PCSK1: variants seen among roughly 807,000 people sequenced by gnomAD.
PCSK1 encodes the protein neuroendocrine convertase 1.
PCSK1 carries 56 observed loss-of-function variants against 90.6 expected under a neutral mutation model. That is an observed-to-expected ratio of 0.62 (90% confidence interval 0.50 to 0.77). PCSK1 has a LOEUF of 0.77. PCSK1 is among the 30% of genes least tolerant of loss of function. PCSK1 has a pLI of 0.00. For missense variants in PCSK1, 801 were observed against 932.6 expected, an observed-to-expected ratio of 0.86 and a Z score of 1.84; for synonymous variants, 348 against 342.4, an observed-to-expected ratio of 1.02 and a Z score of -0.18.
intron 12 of PCSK1, 32 bp downstream of exon 12, chr5:96,397,303 CT>C (rs766961561): frequency 1.9e-5 from 31 of 1,599,268 alleles, no homozygotes; most frequent in Non-Finnish European, 2.5e-5. Context: ...TAAAAGTAAG[CT>C]TGTGTTTTTT....
intron 9 of PCSK1, among the ~76,000 whole-genome samples, chr5:96,400,836 C>G (rs1181145162): frequency 7.0e-6 from 1 of 143,736 alleles, no homozygotes. Flanking sequence ...GCCTGTAATC[C>G]CAGCACTTTG....
At chr5:96,394,835 G>A in intron 13 of PCSK1, 29 bp downstream of exon 13, 1 of 1,610,450 alleles carries the variant, frequency 6.2e-7, no homozygotes, top group African/African-American at 1.3e-5. Context: ...GTTCAAAAGA[G>A]AGCATGCCAA....
intron 12 of PCSK1, among the ~76,000 whole-genome samples, chr5:96,396,349 T>G (rs1323306269): frequency 6.6e-6 from 1 of 152,068 alleles, no homozygotes; most frequent in Non-Finnish European, 1.5e-5. Context: ...TCACCTGAGG[T>G]AAGGAGCTCG....
At chr5:96,413,573 G>A (rs1167959748) in intron 6 of PCSK1, among the ~76,000 whole-genome samples, 2 of 152,090 alleles carry the variant, frequency 1.3e-5, no homozygotes, top group East Asian at 1.9e-4. Flanking sequence ...GCCGAGGTGG[G>A]TGGATCACTT....
rs777345288 is a variant in PCSK1 at position 96,408,231 on chromosome 5, C to G, written c.1188G>C (p.Leu396=). 30 of 1,612,770 alleles carry G rather than the reference C, an allele frequency of 1.9e-5. No individual in the cohort carries two copies. The South Asian group carries it at 2.9e-4, about 15-fold the overall frequency. ...AGCTTTCTGGGCCTTACTTTGCTTCCAGGGCCAGAGCGAAGATGCCAGCAG... is the reference window on the plus strand; with the variant it reads ...AGCTTTCTGGGCCTTACTTTGCTTCGAGGGCCAGAGCGAAGATGCCAGCAG... ...PLAAGIFALA[L]EANPNLTWRD... The change falls in exon 9 of 14, where the codon CTG becomes CTC. Residue 396 remains leucine, a synonymous_variant. Coordinates refer to ENST00000311106, the MANE Select transcript of PCSK1 (RefSeq NM_000439.5).
intron 8 of PCSK1, among the ~76,000 whole-genome samples, chr5:96,408,859 T>C (rs1760659641): frequency 6.6e-6 from 1 of 152,228 alleles, no homozygotes; most frequent in Admixed American, 6.5e-5. Flanking sequence ...CTAGATTTGA[T>C]ACCTGTGAGT....
At chr5:96,414,137 T>TAAAAA (rs564573961) in intron 6 of PCSK1, among the ~76,000 whole-genome samples, 7 of 124,748 alleles carry the variant, frequency 5.6e-5, no homozygotes, top group African/African-American at 2.1e-4. Flanking sequence ...AGACTCTGTC[T>TAAAAA]AAAAAAAAAA....
intron 6 of PCSK1, 98 bp from the exon 7 acceptor site, chr5:96,412,588 T>G (rs1410638591): frequency 8.4e-7 from 1 of 1,189,460 alleles, no homozygotes; most frequent in African/African-American, 1.5e-5. Flanking sequence ...TAAAGGATTT[T>G]AAGAGTCAAA....
rs193214131 is a variant in PCSK1, at chr5:96,412,331, T to C, written c.869A>G (p.Tyr290Cys). The C allele has an allele frequency of 2.3e-5, 37 of 1,614,168 alleles. No homozygotes were observed. In the African/African-American group the frequency reaches 4.8e-4, roughly 21 times the overall value. Reference sequence around the variant, plus strand: ...AAAGCATCTTACCTGTTTGACACCATATTCAAAAGCCTTCTGGGCTAGCCG... The same window carrying C: ...AAAGCATCTTACCTGTTTGACACCACATTCAAAAGCCTTCTGGGCTAGCCG... ...PGRLAQKAFE[Y>C]GVKQGRQGKG... Residue 290 changes from tyrosine (Y) to cysteine (C), a missense_variant, in exon 7 of 14, where the codon TAT becomes TGT. By Grantham distance (194) the Tyr-to-Cys change is radical. Transcript: ENST00000311106.
chr5:96,432,468 G>T (rs574848966), intron 1 of PCSK1, among the ~76,000 whole-genome samples: 1 of 152,192 alleles, frequency 6.6e-6, no homozygotes, highest in Non-Finnish European at 1.5e-5. Flanking sequence ...GACGCAGACC[G>T]CCTCAGTCCC....
rs987182706 is a variant in PCSK1, at chr5:96,423,382, G to A, written c.474C>T (p.Gly158=). ...CCAGTACGGTGATAACAACTCCTTT[G>A]CCCGTAATGCCTTTTTGCCAAACAG... ...VIPVWQKGIT[G]KGVVITVLDD... Residue 158 remains glycine (G), a synonymous_variant, in exon 4 of 14, where the codon GGC becomes GGT. Coordinates refer to ENST00000311106, the MANE Select transcript of PCSK1 (RefSeq NM_000439.5). 3 of 1,613,936 alleles carry A rather than the reference G, an allele frequency of 1.9e-6. No individual in the cohort carries two copies. In the African/African-American group the frequency reaches 4.0e-5, roughly 22 times the overall value.
intron 5 of PCSK1, among the ~76,000 whole-genome samples, chr5:96,420,588 A>G (rs1401739988): frequency 2.0e-5 from 3 of 152,112 alleles, no homozygotes; most frequent in Non-Finnish European, 4.4e-5. Context: ...GAAGAAATAA[A>G]CACCCAGAAG....
chr5:96,415,894 C>T, intron 6 of PCSK1, 139 bp downstream of exon 6: 1 of 678,718 alleles, frequency 1.5e-6, no homozygotes, highest in South Asian at 1.6e-5. Context: ...AAATCATATT[C>T]AAGTCCTGTA....
intron 1 of PCSK1, 119 bp downstream of exon 1, chr5:96,432,744 G>C (rs1761545337): frequency 2.6e-6 from 2 of 783,306 alleles, no homozygotes; most frequent in Middle Eastern, 3.6e-4. Context: ...GCAGCTCCTT[G>C]CTCTTTGCTA....
chr5:96,400,333 A>G, intron 9 of PCSK1, 147 bp from the exon 10 acceptor site: 1 of 674,814 alleles, frequency 1.5e-6, no homozygotes, highest in Non-Finnish European at 2.7e-6. Context: ...ATTACTGTTC[A>G]TATATCTTTT....
intron 6 of PCSK1, among the ~76,000 whole-genome samples, chr5:96,412,752 G>GTTTTGTTTTTTTTTT (rs1760801934): frequency 1.4e-5 from 1 of 71,832 alleles, no homozygotes; most frequent in African/African-American, 9.0e-5. Flanking sequence ...CAGCTGTGAT[G>GTTTTGTTTTTTTTTT]TTTTTTTTTT....
intron 9 of PCSK1, among the ~76,000 whole-genome samples, chr5:96,403,956 A>T (rs990313189): frequency 9.9e-5 from 15 of 152,106 alleles, no homozygotes; most frequent in African/African-American, 3.6e-4. Context: ...GTGTGAAGGG[A>T]TTCAATGGTT....
chr5:96,425,062 AAG>A (rs1252082497), intron 3 of PCSK1, among the ~76,000 whole-genome samples: 1 of 142,436 alleles, frequency 7.0e-6, no homozygotes, highest in East Asian at 2.1e-4. Context: ...GAAAGAAAGA[AAG>A]AAAGAAAGAA....
In PCSK1 at chr5:96,392,402, C is replaced by T. The variant is rs1404795846; in HGVS notation, c.*599G>A. 1.3e-5 allele frequency: 2 copies of T among 153,366 alleles called. No individual in the cohort carries two copies. The highest frequency in any genetic ancestry group is 4.8e-5 in the African/African-American group (2 of 41,468). 9.5% of individuals were successfully genotyped at this position (153,366 alleles called of 1,614,324 possible). A position where few individuals can be genotyped will look rare whatever the true frequency, so the allele number is the denominator to read the frequency against. ...TGCTCAAACCAGAGCATTCAGATTT[C>T]AAGATCTGTTTCTAGATCTAAATAA... On this transcript the variant is annotated 3_prime_UTR_variant, in exon 14 of 14. Transcript: ENST00000311106.
Sources: gnomAD v4.1 joint callset for allele counts (sites outside exome capture counted in the v4.1 genomes callset) on GRCh38, gnomAD v4.1.1 for gene constraint, MANE v1.5 for transcripts, NCBI Gene and HGNC (gene_info 2026-07-23, HGNC 2026-07-21) for gene names.